SCHIP1: variants seen among roughly 807,000 people sequenced by gnomAD.
SCHIP1 encodes the protein schwannomin-interacting protein 1.
A neutral mutation model predicts 29.7 loss-of-function variants in SCHIP1; 8 were observed. That is an observed-to-expected ratio of 0.27 (90% CI 0.16 to 0.49). The LOEUF is 0.49. Among genes scored for constraint, SCHIP1 ranks in the 20% least tolerant of loss-of-function variants. The pLI is 0.99. For synonymous variants in SCHIP1, 76 were observed against 94.9 expected (o/e 0.80, Z 1.16); for missense variants, 193 against 294.6 (o/e 0.66, Z 2.52).
intron 6 of SCHIP1, chr3:159,892,662 T>C (rs1333558289): frequency 5.7e-6 from 1 of 174,626 alleles, no homozygotes; most frequent in African/African-American, 2.4e-5. Flanking sequence ...CACCAGATTG[T>C]TCTCACCATG....
the SCHIP1 span, among the ~76,000 whole-genome samples, chr3:159,355,810 G>T: frequency 6.6e-6 from 1 of 152,010 alleles, no homozygotes; most frequent in African/African-American, 2.4e-5. Flanking sequence ...TCCTTATGGG[G>T]TTATAAACTC....
At chr3:159,510,239 C>G in the SCHIP1 span, among the ~76,000 whole-genome samples, 1 of 152,168 alleles carries the variant, frequency 6.6e-6, no homozygotes, top group Non-Finnish European at 1.5e-5. Context: ...CACTGATACC[C>G]TTTCTTCCAG....
chr3:159,321,804 G>A, the SCHIP1 span, among the ~76,000 whole-genome samples: 1 of 151,852 alleles, frequency 6.6e-6, no homozygotes, highest in Non-Finnish European at 1.5e-5. Flanking sequence ...CATCTTTAAC[G>A]TTTTCTAGAT....
the SCHIP1 span, chr3:159,765,152 G>A: frequency 6.5e-7 from 1 of 1,548,512 alleles, no homozygotes; most frequent in Non-Finnish European, 8.7e-7. Context: ...AGTTGGCCGG[G>A]GTGCGTGCCC....
the SCHIP1 span, among the ~76,000 whole-genome samples, chr3:159,733,707 C>G: frequency 5.1e-4 from 77 of 152,276 alleles, no homozygotes; most frequent in Non-Finnish European, 8.8e-4. Context: ...AACAAGTGCT[C>G]TATCCACTTG....
At chr3:159,638,640 G>T in the SCHIP1 span, among the ~76,000 whole-genome samples, 1 of 151,454 alleles carries the variant, frequency 6.6e-6, no homozygotes, top group African/African-American at 2.4e-5. Context: ...AACAGCTAGA[G>T]GGGGTGCGAT....
rs1047425488 is a variant in SCHIP1, at chr3:159,888,661, G to A, written c.466-159G>A. The A allele has an allele frequency of 3.5e-5, 36 of 1,040,502 alleles. No individual in the cohort carries two copies. In the African/African-American group the frequency reaches 4.9e-4, roughly 14 times the overall value. 64.5% of individuals were successfully genotyped at this position (1,040,502 alleles called of 1,614,324 possible). On this transcript the variant is annotated intron_variant, in intron 4 of 6. Coordinates refer to ENST00000445224, the Ensembl canonical transcript of SCHIP1. ...GCATATTAGGTAATGTAGTGTGGAT[G>A]TAGGGCCCCACATTGGGAAAGACAC... is the stretch of plus-strand genomic sequence containing the variant.
the SCHIP1 span, among the ~76,000 whole-genome samples, chr3:159,452,600 G>A: frequency 5.3e-5 from 8 of 152,114 alleles, 1 homozygote; most frequent in Non-Finnish European, 1.5e-5. Context: ...AAATAGTGCT[G>A]CAATAAATAT....
chr3:159,356,949 A>G, the SCHIP1 span, among the ~76,000 whole-genome samples: 3 of 152,236 alleles, frequency 2.0e-5, no homozygotes, highest in Non-Finnish European at 4.4e-5. Flanking sequence ...AATGAATTCA[A>G]TTCTTTTAAA....
intron 1 of SCHIP1, among the ~76,000 whole-genome samples, chr3:159,865,066 G>T (rs1312387847): frequency 6.6e-6 from 1 of 152,130 alleles, no homozygotes; most frequent in Non-Finnish European, 1.5e-5. Flanking sequence ...GTGACACAGT[G>T]ATGCTCCAGA....
the SCHIP1 span, among the ~76,000 whole-genome samples, chr3:159,575,980 T>A: frequency 6.6e-6 from 1 of 152,230 alleles, no homozygotes; most frequent in Admixed American, 6.5e-5. Flanking sequence ...CATATTTCAA[T>A]GTGTTCTAGG....
the SCHIP1 span, among the ~76,000 whole-genome samples, chr3:159,723,299 T>A: frequency 4.5e-3 from 681 of 152,318 alleles, 9 homozygotes; most frequent in African/African-American, 0.015. Flanking sequence ...CATCCACATA[T>A]TTTTATTACT....
At chr3:159,771,141 C>A in the SCHIP1 span, among the ~76,000 whole-genome samples, 1 of 152,074 alleles carries the variant, frequency 6.6e-6, no homozygotes, top group Admixed American at 6.5e-5. Flanking sequence ...ACATTTCTTC[C>A]TAGAATGGTA....
chr3:159,431,914 G>C, the SCHIP1 span, among the ~76,000 whole-genome samples: 1 of 152,040 alleles, frequency 6.6e-6, no homozygotes, highest in African/African-American at 2.4e-5. Flanking sequence ...TGCAAAATGA[G>C]ATGTCATTAG....
the SCHIP1 span, among the ~76,000 whole-genome samples, chr3:159,781,138 G>A: frequency 6.6e-6 from 1 of 152,198 alleles, no homozygotes; most frequent in Non-Finnish European, 1.5e-5. Context: ...TCTGAGTTCT[G>A]TGGGGGTAAA....
chr3:159,610,125 G>C, the SCHIP1 span, among the ~76,000 whole-genome samples: 1 of 152,126 alleles, frequency 6.6e-6, no homozygotes, highest in East Asian at 1.9e-4. Context: ...AAATGCTCAG[G>C]GTCTCACAGC....
At chr3:159,626,157 T>G in the SCHIP1 span, among the ~76,000 whole-genome samples, 1,621 of 113,442 alleles carry the variant, frequency 0.014, 140 homozygotes, top group African/African-American at 0.082. Context: ...GATATATATA[T>G]ATATCTAGAT....
At chr3:159,380,183 A>T in the SCHIP1 span, among the ~76,000 whole-genome samples, 1 of 151,958 alleles carries the variant, frequency 6.6e-6, no homozygotes, top group African/African-American at 2.4e-5. Flanking sequence ...AAAAAACTTG[A>T]CTTTTAAAGA....
the SCHIP1 span, among the ~76,000 whole-genome samples, chr3:159,424,603 T>C: frequency 6.6e-6 from 1 of 152,206 alleles, no homozygotes; most frequent in Admixed American, 6.5e-5. Context: ...CGGAACCAAG[T>C]TGGAAAACAC....
Sources: allele counts gnomAD v4.1 joint callset (sites outside exome capture counted in the v4.1 genomes callset), GRCh38; gene constraint gnomAD v4.1.1; transcripts MANE v1.5; gene names NCBI Gene and HGNC (gene_info 2026-07-23, HGNC 2026-07-21).